DISC1: variants seen among roughly 807,000 people sequenced by gnomAD.
DISC1 encodes disrupted in schizophrenia 1 protein.
In DISC1, 57 loss-of-function variants were observed where a neutral mutation model predicts 84.5. The observed-to-expected ratio is 0.67, with a 90% confidence interval of 0.55 to 0.84. DISC1 has a LOEUF of 0.84. Among genes scored for constraint, DISC1 ranks in the 40% least tolerant of loss-of-function variants. The pLI is 0.00. For synonymous variants in DISC1, 411 were observed against 415.2 expected (o/e 0.99, Z 0.12); for missense variants, 1,000 against 1,057.8 (o/e 0.95, Z 0.76).
intron 3 of DISC1, among the ~76,000 whole-genome samples, chr1:231,747,918 G>A (rs2074191328): frequency 6.6e-6 from 1 of 151,836 alleles, no homozygotes; most frequent in African/African-American, 2.4e-5. Context: ...TTTCATCAAT[G>A]GTTCATAGTT....
intron 4 of DISC1, among the ~76,000 whole-genome samples, chr1:231,762,074 C>T (rs533727098): frequency 6.6e-6 from 1 of 152,144 alleles, no homozygotes; most frequent in Non-Finnish European, 1.5e-5. Context: ...CACATTTTAT[C>T]TTTTTTTCTT....
intron 8 of DISC1, among the ~76,000 whole-genome samples, chr1:231,817,829 T>C (rs1177339808): frequency 6.6e-6 from 1 of 152,224 alleles, no homozygotes; most frequent in Non-Finnish European, 1.5e-5. Flanking sequence ...TCAGGTGTTA[T>C]TGCAATTATA....
intron 1 of DISC1, among the ~76,000 whole-genome samples, chr1:231,631,642 G>T (rs1326066030): frequency 6.6e-6 from 1 of 151,910 alleles, no homozygotes; most frequent in Non-Finnish European, 1.5e-5. Context: ...TTAAAAATAG[G>T]AGCTTATAGG....
At chr1:231,893,733 G>A (rs184992399) in intron 9 of DISC1, among the ~76,000 whole-genome samples, 5 of 152,290 alleles carry the variant, frequency 3.3e-5, no homozygotes, top group African/African-American at 7.2e-5. Context: ...CGTGGCATAC[G>A]TTAGGACCAC....
chr1:231,854,291 G>A (rs2125908298), intron 9 of DISC1, among the ~76,000 whole-genome samples: 1 of 152,234 alleles, frequency 6.6e-6, no homozygotes, highest in South Asian at 2.1e-4. Context: ...TAGTCATTCT[G>A]AGGGACAACT....
chr1:232,015,031 CCCCTGGCCTGGCCCT>C (rs1355821224), intron 11 of DISC1, among the ~76,000 whole-genome samples: 3 of 152,234 alleles, frequency 2.0e-5, no homozygotes, highest in Non-Finnish European at 4.4e-5. Context: ...CAGGACCCTG[CCCCTGGCCTGGCCCT>C]GGCCACTGAA....
At chr1:231,823,124 C>T (rs1262233651) in intron 9 of DISC1, among the ~76,000 whole-genome samples, 1 of 152,202 alleles carries the variant, frequency 6.6e-6, no homozygotes, top group African/African-American at 2.4e-5. Flanking sequence ...TGCAGAATTT[C>T]ACTTCACACC....
chr1:231,670,620 AT>A (rs1371355053), intron 1 of DISC1: 12 of 152,252 alleles, frequency 7.9e-5, no homozygotes, highest in African/African-American at 2.9e-4. Context: ...TAACATTGAC[AT>A]TCTGTTCAGT....
At chr1:231,896,041 C>T (rs1045680757) in intron 9 of DISC1, among the ~76,000 whole-genome samples, 1 of 152,136 alleles carries the variant, frequency 6.6e-6, no homozygotes, top group Admixed American at 6.5e-5. Context: ...CATGTGATTC[C>T]AGAGGCCAAA....
intron 3 of DISC1, among the ~76,000 whole-genome samples, chr1:231,704,123 G>A (rs1254591424): frequency 6.6e-6 from 1 of 152,204 alleles, no homozygotes; most frequent in African/African-American, 2.4e-5. Context: ...AGAGGTAAAT[G>A]TTCTTGTGGA....
At chr1:232,034,599 A>G (rs1670346729) in intron 12 of DISC1, among the ~76,000 whole-genome samples, 1 of 152,256 alleles carries the variant, frequency 6.6e-6, no homozygotes, top group Non-Finnish European at 1.5e-5. Context: ...TTAAAGAAAC[A>G]TCACATTTTG....
chr1:231,788,770 T>C lies in DISC1; in HGVS notation c.1635-6472T>C, dbSNP rs199563231. Among the ~76,000 whole-genome samples, 46 of 152,178 alleles carry C rather than the reference T, an allele frequency of 3.0e-4. 1 individual carries two copies. Among genetic ancestry groups the C allele is most frequent in the Non-Finnish European group, 5.4e-4 (37 of 68,026 alleles). Reference sequence around the variant, plus strand: ...CCCCAGCCATACAGTCAAGAGCAGCTGCAGCCTTTAATCCCTGATCCTGAG... The same window carrying C: ...CCCCAGCCATACAGTCAAGAGCAGCCGCAGCCTTTAATCCCTGATCCTGAG... On this transcript the variant is annotated intron_variant, in intron 6 of 12. Coordinates refer to ENST00000439617, the MANE Select transcript of DISC1 (RefSeq NM_018662.3).
chr1:232,006,259 A>C (rs569184153), intron 10 of DISC1, among the ~76,000 whole-genome samples: 1 of 152,316 alleles, frequency 6.6e-6, no homozygotes, highest in East Asian at 1.9e-4. Flanking sequence ...CAGAGGTTGG[A>C]ACTGTTTGGA....
intron 9 of DISC1, among the ~76,000 whole-genome samples, chr1:231,908,491 T>G (rs1046440008): frequency 6.6e-6 from 1 of 152,174 alleles, no homozygotes; most frequent in Non-Finnish European, 1.5e-5. Flanking sequence ...GTTGTAGATG[T>G]GTGGTATTAT....
chr1:231,967,605 C>A (rs949201010), intron 10 of DISC1, among the ~76,000 whole-genome samples: 1 of 152,132 alleles, frequency 6.6e-6, no homozygotes, highest in East Asian at 1.9e-4. Context: ...TATTCACTGT[C>A]GGATTTATAC....
chr1:231,739,838 A>G (rs2073015416), intron 3 of DISC1, among the ~76,000 whole-genome samples: 1 of 152,208 alleles, frequency 6.6e-6, no homozygotes, highest in Non-Finnish European at 1.5e-5. Context: ...TATCACATGG[A>G]CAAAGATTGC....
chr1:231,648,743 T>C (rs1335901125), intron 1 of DISC1, among the ~76,000 whole-genome samples: 2 of 152,202 alleles, frequency 1.3e-5, no homozygotes, highest in Non-Finnish European at 2.9e-5. Context: ...GATCCTGTTA[T>C]TGGTCTATTC....
chr1:231,745,467 C>T, intron 3 of DISC1: 1 of 228,690 alleles, frequency 4.4e-6, no homozygotes, highest in Admixed American at 4.3e-5. Context: ...AGCAATCCAC[C>T]TGCTTCGGCC....
chr1:231,990,925 T>A (rs569083133), intron 10 of DISC1, among the ~76,000 whole-genome samples: 1 of 152,218 alleles, frequency 6.6e-6, no homozygotes, highest in Admixed American at 6.5e-5. Context: ...GAATACCAGA[T>A]ACGAGGGAGA....
Sources: gnomAD v4.1 joint callset for allele counts (sites outside exome capture counted in the v4.1 genomes callset) on GRCh38, gnomAD v4.1.1 for gene constraint, MANE v1.5 for transcripts, NCBI Gene and HGNC (gene_info 2026-07-23, HGNC 2026-07-21) for gene names.